IQGAP2: variants seen among roughly 807,000 people sequenced by gnomAD.
IQGAP2 encodes ras GTPase-activating-like protein IQGAP2.
Under a neutral mutation model 201.3 loss-of-function variants are expected in IQGAP2, and 173 were observed. The observed-to-expected ratio is 0.86, with a 90% CI of 0.76 to 0.98. The LOEUF (loss-of-function observed/expected upper bound fraction) is 0.98. Ranked by LOEUF, IQGAP2 falls within the 50% of genes least tolerant of loss-of-function variation. The pLI is 0.00. For missense variants in IQGAP2, 1,687 were observed against 1,864.8 expected, an observed-to-expected ratio of 0.90 and a Z score of 1.76; for synonymous variants, 675 against 673.9, an observed-to-expected ratio of 1.00 and a Z score of -0.03.
chr5:76,444,126 C>T (rs1186066554), intron 1 of IQGAP2, among the ~76,000 whole-genome samples: 1 of 152,142 alleles, frequency 6.6e-6, no homozygotes, highest in African/African-American at 2.4e-5. Flanking sequence ...TGGCTTATAC[C>T]TGTAATCCCA....
chr5:76,687,161 G>A lies in IQGAP2; in HGVS notation c.3905+3244G>A, dbSNP rs146381318. On this transcript the variant is annotated intron_variant, in intron 30 of 35. Coordinates refer to ENST00000274364, the MANE Select transcript of IQGAP2 (RefSeq NM_006633.5). ...TCCATTTATGTAAAAAAGGCTTGAG[G>A]CCAGTGTTTTAATAGAGGCCCTAAG... Among the ~76,000 whole-genome samples, 3 of 152,280 alleles carry A rather than the reference G, an allele frequency of 2.0e-5. No homozygotes were observed. The East Asian group carries it at 5.8e-4, about 29-fold the overall frequency.
At chr5:76,522,069 A>G (rs889804758) in intron 2 of IQGAP2, among the ~76,000 whole-genome samples, 2 of 152,150 alleles carry the variant, frequency 1.3e-5, no homozygotes, top group Admixed American at 1.3e-4. Flanking sequence ...GGAAACAGAA[A>G]CTTCTCCACT....
intron 2 of IQGAP2, among the ~76,000 whole-genome samples, chr5:76,557,403 A>C (rs1459939716): frequency 3.3e-5 from 5 of 152,224 alleles, no homozygotes; most frequent in Admixed American, 2.0e-4. Flanking sequence ...TAAAGTATCA[A>C]GTCCAGATTT....
At chr5:76,661,527 C>G (rs2161589) in intron 21 of IQGAP2, among the ~76,000 whole-genome samples, 42,828 of 151,972 alleles carry the variant, frequency 0.28, 6,180 homozygotes, top group East Asian at 0.38. Context: ...ACCTGAAACT[C>G]AGGACTGAGA....
At chr5:76,605,174 G>A (rs1747714802) in intron 11 of IQGAP2, among the ~76,000 whole-genome samples, 1 of 152,126 alleles carries the variant, frequency 6.6e-6, no homozygotes, top group Non-Finnish European at 1.5e-5. Flanking sequence ...ATTGGAAAGT[G>A]GGAAAATTGA....
intron 9 of IQGAP2, among the ~76,000 whole-genome samples, chr5:76,593,497 T>C (rs1197327437): frequency 1.3e-5 from 2 of 152,206 alleles, no homozygotes; most frequent in Non-Finnish European, 2.9e-5. Context: ...TCTTAGTACC[T>C]GGCTCAAGTG....
chr5:76,501,728 C>T (rs552188568), intron 2 of IQGAP2, among the ~76,000 whole-genome samples: 25 of 142,898 alleles, frequency 1.7e-4, no homozygotes, highest in Non-Finnish European at 2.4e-4. Flanking sequence ...CTGCAACCTC[C>T]GCCTCCTGGG....
intron 1 of IQGAP2, among the ~76,000 whole-genome samples, chr5:76,426,905 G>GGGGT (rs1554054705): frequency 2.0e-5 from 3 of 146,586 alleles, no homozygotes; most frequent in African/African-American, 5.0e-5. Flanking sequence ...AACCATGGAG[G>GGGGT]GTGTGTGTGT....
intron 1 of IQGAP2, among the ~76,000 whole-genome samples, chr5:76,451,937 T>TGA (rs1240385662): frequency 6.6e-6 from 1 of 152,180 alleles, no homozygotes; most frequent in Non-Finnish European, 1.5e-5. Context: ...CTTGGGAGGC[T>TGA]GAGGCATGAG....
At chr5:76,473,927 G>A (rs376211941) in intron 2 of IQGAP2, among the ~76,000 whole-genome samples, 35 of 152,222 alleles carry the variant, frequency 2.3e-4, no homozygotes, top group African/African-American at 8.2e-4. Context: ...GTCATAAAAC[G>A]GTATCATTAT....
chr5:76,487,015 A>G (rs1756189354), intron 2 of IQGAP2, among the ~76,000 whole-genome samples: 1 of 152,060 alleles, frequency 6.6e-6, no homozygotes, highest in South Asian at 2.1e-4. Context: ...TTTTAAGCAC[A>G]ATAGTGTTTT....
At chr5:76,700,400 G>T in intron 33 of IQGAP2, among the ~76,000 whole-genome samples, 1 of 152,166 alleles carries the variant, frequency 6.6e-6, no homozygotes, top group East Asian at 1.9e-4. Flanking sequence ...CCAGCTGGAG[G>T]TTGAGGCAGG....
chr5:76,673,391 A>G, intron 24 of IQGAP2, 58 bp from the exon 25 acceptor site: 1 of 1,569,270 alleles, frequency 6.4e-7, no homozygotes, highest in Non-Finnish European at 8.6e-7. Flanking sequence ...CCAACTTGGC[A>G]GCAAAATTAA....
In IQGAP2 at chr5:76,677,349, CAG is replaced by C. The variant is rs1340003538; in HGVS notation, c.3660_3660+1del. The stretch of plus-strand genomic sequence containing the variant: ...ATTGAAGAAATCATCAGCACACACT[CAG>C]TAAGTGGGGATGGGGAGCCATCTTA... On this transcript the variant is annotated splice_donor_variant and coding_sequence_variant, in exon 28 of 36. Transcript: ENST00000274364. LOFTEE classifies it high-confidence loss of function. 42 of 1,613,224 alleles carry C rather than the reference CAG, an allele frequency of 2.6e-5. No homozygotes were observed. The highest frequency in any genetic ancestry group is 3.4e-5 in the Non-Finnish European group (40 of 1,179,726).
intron 5 of IQGAP2, among the ~76,000 whole-genome samples, chr5:76,577,440 T>A (rs1178763220): frequency 6.6e-6 from 1 of 152,242 alleles, no homozygotes; most frequent in East Asian, 1.9e-4. Flanking sequence ...TCTCCATTAC[T>A]TTTACTCATC....
At chr5:76,566,078 A>G (rs1011410460) in intron 3 of IQGAP2, among the ~76,000 whole-genome samples, 1 of 152,178 alleles carries the variant, frequency 6.6e-6, no homozygotes, top group Non-Finnish European at 1.5e-5. Flanking sequence ...ATAGAAATAC[A>G]TATAGGGTAG....
intron 12 of IQGAP2, among the ~76,000 whole-genome samples, chr5:76,610,082 A>T (rs1303098602): frequency 1.2e-4 from 1 of 8,314 alleles, no homozygotes; most frequent in Non-Finnish European, 1.9e-4. Flanking sequence ...CTCTCTATAT[A>T]TATATATATA....
At chr5:76,622,286 G>A (rs1749773798) in intron 13 of IQGAP2, among the ~76,000 whole-genome samples, 4 of 152,150 alleles carry the variant, frequency 2.6e-5, no homozygotes, top group Non-Finnish European at 1.5e-5. Flanking sequence ...CCCAGAAAGA[G>A]CGTGCACTTA....
At chr5:76,613,837 G>C (rs6453233) in intron 13 of IQGAP2, among the ~76,000 whole-genome samples, 65,432 of 151,898 alleles carry the variant, frequency 0.43, 14,947 homozygotes, top group Non-Finnish European at 0.52. Flanking sequence ...AGGGACTACA[G>C]GCACCTGCCA....
Sources: gnomAD v4.1 joint callset for allele counts (sites outside exome capture counted in the v4.1 genomes callset) on GRCh38, gnomAD v4.1.1 for gene constraint, MANE v1.5 for transcripts, NCBI Gene and HGNC (gene_info 2026-07-23, HGNC 2026-07-21) for gene names.